DDX60L: variants seen among roughly 807,000 people sequenced by gnomAD.
DDX60L encodes probable ATP-dependent RNA helicase DDX60-like.
Under a neutral mutation model 211.6 loss-of-function variants are expected in DDX60L, and 191 were observed. That is an observed-to-expected ratio of 0.90 (90% CI 0.80 to 1.02). The LOEUF (loss-of-function observed/expected upper bound fraction) is 1.02. Ranked by LOEUF, DDX60L falls within the 50% of genes least tolerant of loss-of-function variation. DDX60L has a pLI of 0.00. For missense variants in DDX60L, 2,007 were observed against 1,984.1 expected (o/e 1.01, Z -0.22); for synonymous variants, 706 against 694.1 (o/e 1.02, Z -0.27).
chr4:168,448,846 C>T, intron 8 of DDX60L, 67 bp from the exon 9 acceptor site: 1 of 1,455,286 alleles, frequency 6.9e-7, no homozygotes, highest in South Asian at 1.3e-5. Context: ...CTGGTTAACC[C>T]CCTATAAGGT....
At chr4:168,468,603 C>G (rs1276730746) in intron 4 of DDX60L, 2 of 152,052 alleles carry the variant, frequency 1.3e-5, no homozygotes, top group African/African-American at 4.8e-5. Flanking sequence ...TTCCCACTCA[C>G]TCTACTTCAG....
rs1254447238 is a variant in DDX60L at position 168,419,334 on chromosome 4, C to T, written c.2578G>A (p.Val860Met). Residue 860 changes from valine (V) to methionine (M), a missense_variant, in exon 19 of 38, where the codon GTG (valine) becomes ATG (methionine). Transcript: ENST00000682922. ...AATATAACATATCTGATCCTTTCCA[C>T]CCATTTTTGGCGATGAGGAGCAAGC... is the stretch of plus-strand genomic sequence containing the variant. Reference protein sequence around the residue: ...LLLAPHRQKWVERIRYVIFDE... With the variant: ...LLLAPHRQKWMERIRYVIFDE... 1 of 1,599,316 alleles carries T rather than the reference C, an allele frequency of 6.3e-7. No homozygotes were observed. Among genetic ancestry groups the T allele is most frequent in the East Asian group, 2.2e-5 (1 of 44,606 alleles).
intron 22 of DDX60L, among the ~76,000 whole-genome samples, chr4:168,410,449 C>T (rs958350030): frequency 6.6e-6 from 1 of 152,084 alleles, no homozygotes; most frequent in African/African-American, 2.4e-5. Flanking sequence ...GATTTGAATG[C>T]CAGGCTACAA....
In DDX60L at chr4:168,472,797, G is replaced by T; in HGVS notation, c.-98C>A. 7.6e-7 allele frequency: 1 copy of T among 1,320,742 alleles called. No individual in the cohort carries two copies. The highest frequency in any genetic ancestry group is 1.1e-6 in the Non-Finnish European group (1 of 936,420). The allele number at this position is 1,320,742 out of a possible 1,614,324, so 81.8% of individuals were successfully genotyped here. A position where few individuals can be genotyped will look rare whatever the true frequency, so the allele number is the denominator to read the frequency against. ...CACCTCTAAAATGGCTACATTTGAT[G>T]TGAATGGCACCTCTGTAATAAAAGA... On this transcript the variant is annotated 5_prime_UTR_variant, in exon 2 of 38. Coordinates refer to ENST00000682922, the MANE Select transcript of DDX60L (RefSeq NM_001012967.3).
rs1756811604 is a variant in DDX60L, at chr4:168,457,917, A to C, written c.698T>G (p.Leu233Trp). ...CTCTTCCATCATATCATTCCATTTC[A>C]AATGTTCAAAATGAGTTGCTAATAC... ...VLVLATHFEH[L>W]KWNDMMEEAY... is the part of the protein sequence containing the mutation. Residue 233 changes from leucine (L) to tryptophan (W), a missense_variant, in exon 6 of 38, where the codon TTG (leucine) becomes TGG (tryptophan). Transcript: ENST00000682922. The C allele has an allele frequency of 6.4e-7, 1 of 1,555,204 alleles. No homozygotes were observed. The highest frequency in any genetic ancestry group is 1.2e-5 in the South Asian group (1 of 83,826).
rs202048455 is a variant in DDX60L at position 168,420,674 on chromosome 4, T to C, written c.2395-294A>G. Among the ~76,000 whole-genome samples the C allele has an allele frequency of 9.5e-4, 129 of 135,466 alleles. 2 individuals carry two copies. The highest frequency in any genetic ancestry group is 2.2e-4 in the Non-Finnish European group (14 of 62,246). 88.9% of individuals were successfully genotyped at this position (135,466 alleles called of 152,430 possible). A position where few individuals can be genotyped will look rare whatever the true frequency, so the allele number is the denominator to read the frequency against. On this transcript the variant is annotated intron_variant, in intron 17 of 37. Coordinates refer to ENST00000682922, the MANE Select transcript of DDX60L (RefSeq NM_001012967.3). Reference sequence around the variant, plus strand: ...ATAGATAGATAGATAGATAGATAGATAGATAGATAGACAGACAGACAGACA... The same window carrying C: ...ATAGATAGATAGATAGATAGATAGACAGATAGATAGACAGACAGACAGACA...
intron 6 of DDX60L, among the ~76,000 whole-genome samples, chr4:168,457,486 T>C (rs1756750930): frequency 6.6e-6 from 1 of 151,040 alleles, no homozygotes; most frequent in Non-Finnish European, 1.5e-5. Context: ...TCCATCATGA[T>C]AAATAGTAGT....
At chr4:168,442,728 C>T (rs369297743) in intron 9 of DDX60L, among the ~76,000 whole-genome samples, 14 of 151,218 alleles carry the variant, frequency 9.3e-5, no homozygotes, top group Admixed American at 4.0e-4. Context: ...CCCTGACCCC[C>T]GAGCAGCCTA....
At chr4:168,401,078 T>C (rs547134773) in intron 25 of DDX60L, 100 bp from the exon 26 acceptor site, 1 of 1,099,184 alleles carries the variant, frequency 9.1e-7, no homozygotes, top group East Asian at 2.4e-5. Context: ...CTGAATAGAC[T>C]TCATCCTAGG....
intron 20 of DDX60L, 139 bp downstream of exon 20, chr4:168,416,543 A>G (rs878896460): frequency 2.0e-6 from 1 of 490,868 alleles, no homozygotes; most frequent in Non-Finnish European, 3.3e-6. Context: ...ACAAAGCAAG[A>G]CCACTGACGT....
At chr4:168,367,863 T>C (rs566089478) in intron 36 of DDX60L, among the ~76,000 whole-genome samples, 147 of 152,288 alleles carry the variant, frequency 9.7e-4, no homozygotes, top group African/African-American at 3.3e-3. Flanking sequence ...TAGAGATTTA[T>C]GGAACTTAGA....
intron 2 of DDX60L, 38 bp from the exon 3 acceptor site, chr4:168,472,562 T>C: frequency 1.3e-6 from 2 of 1,567,480 alleles, no homozygotes; most frequent in Non-Finnish European, 1.7e-6. Flanking sequence ...TCAATATTTT[T>C]ACACAGCTAT....
Position 168,379,392 on chromosome 4 carries a change from A to T in DDX60L, c.4334T>A (p.Phe1445Tyr), listed in dbSNP as rs767588674. The change falls in exon 32 of 38, where the codon TTC becomes TAC. Residue 1445 changes from phenylalanine to tyrosine, a missense_variant. Coordinates refer to ENST00000682922, the MANE Select transcript of DDX60L (RefSeq NM_001012967.3). Reference protein sequence around the residue: ...VFVNFLKRGLFHNLCKPAWKG... With the variant: ...VFVNFLKRGLYHNLCKPAWKG... ...CCAGGCTGGCTTACAGAGATTATGG[A>T]AAAGGCCTCTCTTGAGAAAATTTAC... 1 of 1,595,686 alleles carries T rather than the reference A, an allele frequency of 6.3e-7. No individual in the cohort carries two copies. The highest frequency in any genetic ancestry group is 1.2e-5 in the South Asian group (1 of 86,476).
chr4:168,428,272 C>G (rs1160065254), intron 13 of DDX60L, among the ~76,000 whole-genome samples: 3 of 152,092 alleles, frequency 2.0e-5, no homozygotes, highest in Non-Finnish European at 4.4e-5. Context: ...TGGATGGACC[C>G]TTAAATAGCT....
At chr4:168,407,074 A>G (rs1052237294) in intron 22 of DDX60L, among the ~76,000 whole-genome samples, 1 of 152,202 alleles carries the variant, frequency 6.6e-6, no homozygotes, top group East Asian at 1.9e-4. Context: ...TTAGACAAAA[A>G]ATATACCTTT....
chr4:168,388,133 A>G (rs1196310247), intron 29 of DDX60L, among the ~76,000 whole-genome samples: 1 of 152,238 alleles, frequency 6.6e-6, no homozygotes, highest in African/African-American at 2.4e-5. Flanking sequence ...AAATTCCTTA[A>G]TGGAATTTAC....
rs773690809 is a variant in DDX60L, at chr4:168,471,899, A to T, written c.112T>A (p.Phe38Ile). Reference protein sequence around the residue: ...SILNDFVESNFFVIDGDSLLV... With the variant: ...SILNDFVESNIFVIDGDSLLV... ...AAGGAATCTCCATCAATCACAAAAA[A>T]ATTAGATTCCACAAAATCATTTAAT... Residue 38 changes from phenylalanine (F) to isoleucine (I), a missense_variant, in exon 4 of 38, where the codon TTT becomes ATT. By Grantham distance (21) the Phe-to-Ile change is conservative (BLOSUM62 0). Transcript: ENST00000682922. 2.5e-6 allele frequency: 4 copies of T among 1,609,466 alleles called. No homozygotes were observed. Among genetic ancestry groups the T allele is most frequent in the Admixed American group, 3.4e-5 (2 of 58,398 alleles).
chr4:168,391,651 A>T lies in DDX60L; in HGVS notation c.3811-7T>A. Reference sequence around the variant, plus strand: ...TTTCAGTAGCTGTCACTACCTAGGAAAAAAAAAAAAAAACAGTCAATACAC... The same window carrying T: ...TTTCAGTAGCTGTCACTACCTAGGATAAAAAAAAAAAAACAGTCAATACAC... On this transcript the variant is annotated splice_polypyrimidine_tract_variant and splice_region_variant and intron_variant, in intron 28 of 37. Transcript: ENST00000682922. 7 of 964,902 alleles carry T rather than the reference A, an allele frequency of 7.3e-6. No homozygotes were observed. Among genetic ancestry groups the T allele is most frequent in the Non-Finnish European group, 9.9e-6 (7 of 705,686 alleles). 59.8% of individuals were successfully genotyped at this position (964,902 alleles called of 1,614,324 possible).
chr4:168,429,280 G>A (rs1751964415), intron 13 of DDX60L, among the ~76,000 whole-genome samples: 1 of 152,056 alleles, frequency 6.6e-6, no homozygotes, highest in Non-Finnish European at 1.5e-5. Context: ...GAGTAGCTGG[G>A]ATTACAGGCA....
Sources: gnomAD v4.1 joint callset for allele counts (sites outside exome capture counted in the v4.1 genomes callset) on GRCh38, gnomAD v4.1.1 for gene constraint, MANE v1.5 for transcripts, NCBI Gene and HGNC (gene_info 2026-07-23, HGNC 2026-07-21) for gene names.